The following RBMS1 variants were observed in gnomAD, a reference collection of about 807,000 sequenced individuals.
The protein encoded by RBMS1 is RNA-binding motif, single-stranded-interacting protein 1.
RBMS1 carries 17 observed loss-of-function variants against 62.3 expected under a neutral mutation model. That is an observed-to-expected ratio of 0.27 (90% CI 0.19 to 0.41). The LOEUF is 0.41. RBMS1 is among the 10% of genes least tolerant of loss of function. The pLI is 1.00. For missense variants in RBMS1, 334 were observed against 504.5 expected (o/e 0.66, Z 3.24); for synonymous variants, 172 against 170.0 (o/e 1.01, Z -0.09).
At chr2:160,354,016 G>A (rs1692661220) in intron 2 of RBMS1, among the ~76,000 whole-genome samples, 1 of 152,078 alleles carries the variant, frequency 6.6e-6, no homozygotes, top group African/African-American at 2.4e-5. Context: ...GGGCCAGGTG[G>A]AAAGCTCTGA....
Position 160,332,929 on chromosome 2 carries a change from C to T in RBMS1, c.252-14702G>A, listed in dbSNP as rs144027005. ...CTTTATATGTGTATAAATGCATACA[C>T]GAGTGTTTATACAGACATACACATA... is the stretch of plus-strand genomic sequence containing the variant. On this transcript the variant is annotated intron_variant, in intron 2 of 13. Transcript: ENST00000348849. Among the ~76,000 whole-genome samples, 7 of 150,808 alleles carry T rather than the reference C, an allele frequency of 4.6e-5. No homozygotes were observed. In the South Asian group the frequency reaches 6.3e-4, roughly 14 times the overall value.
chr2:160,411,657 T>C (rs1696042572), intron 1 of RBMS1, among the ~76,000 whole-genome samples: 1 of 152,224 alleles, frequency 6.6e-6, no homozygotes, highest in Non-Finnish European at 1.5e-5. Flanking sequence ...CTCTCTTGAG[T>C]GCCAGACTCC....
chr2:160,393,294 G>A (rs754900403), intron 1 of RBMS1, among the ~76,000 whole-genome samples: 2 of 152,118 alleles, frequency 1.3e-5, no homozygotes, highest in Non-Finnish European at 2.9e-5. Flanking sequence ...AATATCTGAA[G>A]CTCTTATGGC....
chr2:160,351,264 C>CAT (rs1692487963), intron 2 of RBMS1, among the ~76,000 whole-genome samples: 2 of 151,384 alleles, frequency 1.3e-5, no homozygotes, highest in African/African-American at 2.4e-5. Flanking sequence ...AAACATGGCA[C>CAT]ATATATACAT....
chr2:160,275,148 A>G (rs1687763911), intron 13 of RBMS1, among the ~76,000 whole-genome samples: 1 of 152,204 alleles, frequency 6.6e-6, no homozygotes, highest in East Asian at 1.9e-4. Context: ...GGTAAAGTGA[A>G]AAGTTTTGAA....
chr2:160,344,711 G>C (rs997839530), intron 2 of RBMS1, among the ~76,000 whole-genome samples: 10 of 152,122 alleles, frequency 6.6e-5, no homozygotes, highest in African/African-American at 2.4e-4. Flanking sequence ...AGACACTAGA[G>C]AGAACAGAGA....
intron 1 of RBMS1, among the ~76,000 whole-genome samples, chr2:160,437,872 C>A (rs1218993896): frequency 2.0e-5 from 3 of 152,208 alleles, no homozygotes; most frequent in Non-Finnish European, 4.4e-5. Flanking sequence ...GATACTACCT[C>A]ATTTAAGGGA....
At chr2:160,408,201 C>G (rs926654474) in intron 1 of RBMS1, among the ~76,000 whole-genome samples, 81 of 152,084 alleles carry the variant, frequency 5.3e-4, no homozygotes, top group African/African-American at 1.9e-3. Context: ...TTCCTAAGCA[C>G]CAGCGGCAGC....
intron 1 of RBMS1, among the ~76,000 whole-genome samples, chr2:160,379,156 T>C (rs929063613): frequency 1.3e-5 from 2 of 151,820 alleles, no homozygotes; most frequent in African/African-American, 2.4e-5. Context: ...TTGGCAGAGG[T>C]TGCAGTGATC....
chr2:160,311,226 ATC>A lies in RBMS1; in HGVS notation c.402+1928_402+1929del, dbSNP rs1427844651. Among the ~76,000 whole-genome samples the A allele has an allele frequency of 1.2e-3, 89 of 74,990 alleles. 3 individuals carry two copies. Among genetic ancestry groups the A allele is most frequent in the African/African-American group, 1.9e-3 (44 of 22,892 alleles). 49.2% of individuals were successfully genotyped at this position (74,990 alleles called of 152,430 possible). On this transcript the variant is annotated intron_variant, in intron 4 of 13. Coordinates refer to ENST00000348849, the MANE Select transcript of RBMS1 (RefSeq NM_016836.4). ...AAAAAAAAAATCTATCTATCTATCT[ATC>A]TATCTATATATATATATATATATAT...
intron 2 of RBMS1, among the ~76,000 whole-genome samples, chr2:160,330,699 AAAAAAAAAT>A (rs1364696739): frequency 2.0e-5 from 3 of 152,030 alleles, no homozygotes; most frequent in African/African-American, 7.2e-5. Context: ...TGCACTGAAA[AAAAAAAAAT>A]GAGCCGATCA....
At chr2:160,302,348 C>A (rs753768358) in intron 5 of RBMS1, among the ~76,000 whole-genome samples, 1 of 151,894 alleles carries the variant, frequency 6.6e-6, no homozygotes, top group Non-Finnish European at 1.5e-5. Context: ...GCATGTGCCA[C>A]CATGCCTGGC....
rs1050512319 is a variant in RBMS1 at position 160,275,667 on chromosome 2, A to G, written c.1191T>C (p.His397=). The part of the protein sequence containing the change: ...QQVAVETSND[H]SPYTFQPNK ...TATTAGGTTGAAAGGTATATGGAGA[A>G]TGGTCATTAGACGTCTCGACAGCCA... Residue 397 remains histidine, a synonymous_variant, in exon 13 of 14, where the codon CAT becomes CAC. Transcript: ENST00000348849. 8.7e-6 allele frequency: 14 copies of G among 1,613,808 alleles called. No individual in the cohort carries two copies. Among genetic ancestry groups the G allele is most frequent in the Non-Finnish European group, 1.2e-5 (14 of 1,179,750 alleles).
intron 1 of RBMS1, among the ~76,000 whole-genome samples, chr2:160,423,914 G>A (rs1055000050): frequency 6.6e-6 from 1 of 151,928 alleles, no homozygotes; most frequent in South Asian, 2.1e-4. Context: ...GGGTAAACTC[G>A]TCCAGAGCAT....
At chr2:160,360,939 A>G (rs1693095637) in intron 2 of RBMS1, among the ~76,000 whole-genome samples, 1 of 152,236 alleles carries the variant, frequency 6.6e-6, no homozygotes, top group South Asian at 2.1e-4. Flanking sequence ...CAGAAAATAA[A>G]TATGTATTGA....
chr2:160,303,355 T>C lies in RBMS1; in HGVS notation c.535A>G (p.Thr179Ala). The C allele has an allele frequency of 6.2e-7, 1 of 1,611,840 alleles. No homozygotes were observed. The highest frequency in any genetic ancestry group is 1.1e-5 in the South Asian group (1 of 90,618). Reference protein sequence around the residue: ...STRILRDSSGTSRGVGFARME... With the variant: ...STRILRDSSGASRGVGFARME... ...CTAGCAAAGCCAACACCACGACTTG[T>C]ACCACTGGAATCACGTAGTATCCTT... The change falls in exon 5 of 14, where the codon ACA becomes GCA. Residue 179 changes from threonine to alanine, a missense_variant. Thr to Ala is a moderately conservative substitution (Grantham distance 58). Around this residue, in one of 3 missense-constraint regions of RBMS1, gnomAD observed 150 missense variants for 228.0 expected, o/e 0.66. Coordinates refer to ENST00000348849, the MANE Select transcript of RBMS1 (RefSeq NM_016836.4).
At chr2:160,411,090 C>T (rs970378852) in intron 1 of RBMS1, among the ~76,000 whole-genome samples, 1 of 152,146 alleles carries the variant, frequency 6.6e-6, no homozygotes. Flanking sequence ...CTGGGCTGTC[C>T]TATGTCTTCC....
chr2:160,278,398 A>G, intron 11 of RBMS1, 150 bp downstream of exon 11: 1 of 676,800 alleles, frequency 1.5e-6, no homozygotes, highest in Non-Finnish European at 2.6e-6. Context: ...ATAGCTGAGT[A>G]TTTACTTTAT....
rs751722145 is a variant in RBMS1, at chr2:160,437,376, T to G, written c.75+55913A>C. Among the ~76,000 whole-genome samples, 12 of 152,208 alleles carry G rather than the reference T, an allele frequency of 7.9e-5. 1 individual carries two copies. The highest frequency in any genetic ancestry group is 1.5e-5 in the Non-Finnish European group (1 of 68,040). ...TTGCACAATTAGCAAGAATAGTATA[T>G]AAACCATAGGAAAGTAATATAGAAT... On this transcript the variant is annotated intron_variant, in intron 1 of 13. Transcript: ENST00000348849.
Sources: gnomAD v4.1 joint callset for allele counts (sites outside exome capture counted in the v4.1 genomes callset) on GRCh38, gnomAD v4.1.1 for gene constraint, gnomAD v4.1.1 regional missense constraint, MANE v1.5 for transcripts, NCBI Gene and HGNC (gene_info 2026-07-23, HGNC 2026-07-21) for gene names.